The following CCSER1 variants were observed in gnomAD, a reference collection of about 807,000 sequenced individuals.
CCSER1 encodes coiled-coil serine rich protein 1.
A neutral mutation model predicts 82.0 loss-of-function variants in CCSER1; 41 were observed. The observed-to-expected ratio is 0.50, with a 90% CI of 0.39 to 0.65. The LOEUF is 0.65. CCSER1 is among the 30% of genes least tolerant of loss of function. The pLI is 0.00. For missense variants in CCSER1, 1,119 were observed against 1,064.2 expected, an observed-to-expected ratio of 1.05 and a Z score of -0.72; for synonymous variants, 414 against 383.9, an observed-to-expected ratio of 1.08 and a Z score of -0.92.
chr4:90,437,955 C>G (rs1759281300), intron 4 of CCSER1, among the ~76,000 whole-genome samples: 1 of 152,010 alleles, frequency 6.6e-6, no homozygotes, highest in Admixed American at 6.5e-5. Context: ...ATAAGAGAGG[C>G]TTGGTTTAAA....
chr4:90,925,284 A>C (rs1271737168), intron 9 of CCSER1, among the ~76,000 whole-genome samples: 1 of 152,202 alleles, frequency 6.6e-6, no homozygotes, highest in Non-Finnish European at 1.5e-5. Context: ...AGAAAAATGA[A>C]GTCACTTTTT....
rs140539954 is a variant in CCSER1, at chr4:90,164,099, G to A, written c.-42+36268G>A. 7.5e-3 allele frequency among the ~76,000 whole-genome samples: 1,137 copies of A among 152,176 alleles called. 7 individuals carry two copies. Among genetic ancestry groups the A allele is most frequent in the Middle Eastern group, 0.017 (5 of 294 alleles). ...GTTGTGCAGCTTCAGGCAACAGCAGGCTCCCTGGAAATCATGACTGCTTCT... is the reference window on the plus strand; with the variant it reads ...GTTGTGCAGCTTCAGGCAACAGCAGACTCCCTGGAAATCATGACTGCTTCT... On this transcript the variant is annotated intron_variant, in intron 1 of 10. Transcript: ENST00000509176.
intron 10 of CCSER1, among the ~76,000 whole-genome samples, chr4:91,110,534 A>G (rs560416662): frequency 6.6e-6 from 1 of 152,024 alleles, no homozygotes; most frequent in Non-Finnish European, 1.5e-5. Flanking sequence ...TGGCCTATTC[A>G]CGGAGAAACT....
intron 7 of CCSER1, among the ~76,000 whole-genome samples, chr4:90,792,257 G>A (rs1441605010): frequency 2.0e-5 from 3 of 151,892 alleles, no homozygotes; most frequent in African/African-American, 7.3e-5. Flanking sequence ...ACTTATTTTT[G>A]TATTCTTCTT....
intron 3 of CCSER1, among the ~76,000 whole-genome samples, chr4:90,318,710 A>G (rs1291198761): frequency 6.6e-6 from 1 of 152,184 alleles, no homozygotes; most frequent in Non-Finnish European, 1.5e-5. Context: ...TTTACTATTC[A>G]TTTACTTTTC....
chr4:91,515,774 C>T (rs1163968675), intron 10 of CCSER1, among the ~76,000 whole-genome samples: 1 of 151,964 alleles, frequency 6.6e-6, no homozygotes, highest in African/African-American at 2.4e-5. Context: ...TGAGGAATCA[C>T]CACATTGCCT....
chr4:90,352,346 AC>A lies in CCSER1; in HGVS notation c.1509+39300del, dbSNP rs201670263. Among the ~76,000 whole-genome samples the A allele has an allele frequency of 7.8e-3, 1,179 of 151,644 alleles. 13 individuals are homozygous for A. The highest frequency in any genetic ancestry group is 0.027 in the African/African-American group (1,133 of 41,306). On this transcript the variant is annotated intron_variant, in intron 3 of 10. Transcript: ENST00000509176. The stretch of plus-strand genomic sequence containing the variant: ...CTCAAAAAAATCAAAAACCAAAAAA[AC>A]AAAACAAAACAAATAAACAAAAAAT...
intron 9 of CCSER1, among the ~76,000 whole-genome samples, chr4:90,946,638 A>AG (rs769771554): frequency 0.065 from 8,278 of 126,388 alleles, 305 homozygotes; most frequent in Admixed American, 0.13. Context: ...AAAAAAAAAA[A>AG]AAGAGATTAT....
At chr4:90,502,083 A>G (rs933975116) in intron 5 of CCSER1, among the ~76,000 whole-genome samples, 1 of 152,218 alleles carries the variant, frequency 6.6e-6, no homozygotes, top group African/African-American at 2.4e-5. Context: ...AAAGCTGAAC[A>G]TTAGTAATTT....
At chr4:90,924,080 A>G (rs1303735383) in intron 9 of CCSER1, among the ~76,000 whole-genome samples, 1 of 152,178 alleles carries the variant, frequency 6.6e-6, no homozygotes, top group Admixed American at 6.5e-5. Flanking sequence ...CACAGCTAAG[A>G]AATTTGCATT....
Position 91,042,465 on chromosome 4 carries a change from CT to C in CCSER1, c.2173-43481del, listed in dbSNP as rs1171529342. Among the ~76,000 whole-genome samples, 3 of 152,216 alleles carry C rather than the reference CT, an allele frequency of 2.0e-5. No individual in the cohort carries two copies. The East Asian group carries it at 5.8e-4, about 29-fold the overall frequency. On this transcript the variant is annotated intron_variant, in intron 9 of 10. Transcript: ENST00000509176. ...TATGAAAACAGACTAATATAGTTTG[CT>C]TTTACAAAGTATTTTTTAAGGGTAA...
chr4:91,156,799 C>A (rs1391910010), intron 10 of CCSER1, among the ~76,000 whole-genome samples: 4 of 151,788 alleles, frequency 2.6e-5, no homozygotes, highest in African/African-American at 7.2e-5. Flanking sequence ...TTCACTTATG[C>A]CCTAGATTTC....
At chr4:91,504,384 A>T (rs916660659) in intron 10 of CCSER1, among the ~76,000 whole-genome samples, 12 of 152,260 alleles carry the variant, frequency 7.9e-5, no homozygotes, top group Admixed American at 7.2e-4. Flanking sequence ...TCCTAAGTTG[A>T]CAGAATGAAA....
Position 90,983,619 on chromosome 4 carries a change from A to G in CCSER1, c.2172+60172A>G, listed in dbSNP as rs573970064. ...ATTTTGGTGTTTTCAAGCAAGACTA[A>G]CAATCCAAATTAAGGAAAAAAATAA... On this transcript the variant is annotated intron_variant, in intron 9 of 10. Coordinates refer to ENST00000509176, the MANE Select transcript of CCSER1 (RefSeq NM_001145065.2). Among the ~76,000 whole-genome samples the G allele has an allele frequency of 8.6e-5, 13 of 151,882 alleles. 1 individual carries two copies. The South Asian group carries it at 2.7e-3, about 31-fold the overall frequency.
At chr4:91,267,412 C>T (rs1192611742) in intron 10 of CCSER1, among the ~76,000 whole-genome samples, 3 of 152,124 alleles carry the variant, frequency 2.0e-5, no homozygotes, top group Non-Finnish European at 4.4e-5. Flanking sequence ...ATGTTTCTCT[C>T]TGCTTTTACA....
intron 10 of CCSER1, among the ~76,000 whole-genome samples, chr4:91,478,968 C>T (rs983953722): frequency 2.6e-5 from 4 of 151,610 alleles, no homozygotes; most frequent in Admixed American, 6.6e-5. Context: ...ATGTTTGTGA[C>T]TTTATTTTTT....
chr4:90,494,587 AT>A (rs541232240), intron 5 of CCSER1, among the ~76,000 whole-genome samples: 57 of 152,132 alleles, frequency 3.7e-4, no homozygotes, highest in Admixed American at 1.4e-3. Flanking sequence ...AAACTACAAA[AT>A]TTCTTTGAAT....
intron 10 of CCSER1, among the ~76,000 whole-genome samples, chr4:91,316,736 G>C (rs1169690377): frequency 2.6e-5 from 4 of 151,946 alleles, no homozygotes; most frequent in African/African-American, 9.7e-5. Context: ...CCTTAACACA[G>C]TGTGATCTTT....
intron 10 of CCSER1, among the ~76,000 whole-genome samples, chr4:91,190,049 G>T (rs1273056043): frequency 6.6e-6 from 1 of 152,048 alleles, no homozygotes; most frequent in Non-Finnish European, 1.5e-5. Flanking sequence ...CACCACTGTT[G>T]AAATCTGTAG....
Sources: allele counts gnomAD v4.1 joint callset (sites outside exome capture counted in the v4.1 genomes callset), GRCh38; gene constraint gnomAD v4.1.1; transcripts MANE v1.5; gene names NCBI Gene and HGNC (gene_info 2026-07-23, HGNC 2026-07-21).